PLEKHG1: variants seen among roughly 807,000 people sequenced by gnomAD.
PLEKHG1 encodes pleckstrin homology domain-containing family G member 1.
Under a neutral mutation model 100.8 loss-of-function variants are expected in PLEKHG1, and 44 were observed. The observed-to-expected ratio is 0.44, with a 90% CI of 0.34 to 0.56. The LOEUF (loss-of-function observed/expected upper bound fraction) is 0.56, where lower values mean the gene tolerates loss of function less well. PLEKHG1 is among the 20% of genes least tolerant of loss of function. The pLI is 0.01. For synonymous variants in PLEKHG1, 640 were observed against 662.5 expected (o/e 0.97, Z 0.52); for missense variants, 1,545 against 1,720.9 (o/e 0.90, Z 1.81).
chr6:150,670,323 C>G (rs1379007067), intron 3 of PLEKHG1, among the ~76,000 whole-genome samples: 13 of 152,044 alleles, frequency 8.6e-5, no homozygotes, highest in Admixed American at 5.2e-4. Flanking sequence ...GGAATATGTT[C>G]TATTTTGTTC....
intron 2 of PLEKHG1, among the ~76,000 whole-genome samples, chr6:150,649,712 A>G (rs959958312): frequency 1.3e-5 from 2 of 151,080 alleles, no homozygotes; most frequent in African/African-American, 4.9e-5. Context: ...CCCTGTCGCT[A>G]CTAAAAATAC....
intron 3 of PLEKHG1, among the ~76,000 whole-genome samples, chr6:150,670,483 C>T (rs1434110450): frequency 2.6e-5 from 4 of 152,200 alleles, no homozygotes; most frequent in South Asian, 4.1e-4. Flanking sequence ...GCTACACAGC[C>T]GCAGCATGCG....
At chr6:150,664,579 G>A (rs1779327028) in intron 3 of PLEKHG1, 1 of 152,238 alleles carries the variant, frequency 6.6e-6, no homozygotes, top group South Asian at 2.1e-4. Flanking sequence ...CACTATTGCA[G>A]ACTCTCCCTC....
At chr6:150,603,306 A>C (rs1776446868) in intron 1 of PLEKHG1, among the ~76,000 whole-genome samples, 1 of 152,112 alleles carries the variant, frequency 6.6e-6, no homozygotes, top group Non-Finnish European at 1.5e-5. Context: ...TTGCTTGATA[A>C]AATTAAAAGC....
In PLEKHG1 at chr6:150,682,086, C is replaced by G. The variant is rs185800117; in HGVS notation, c.-99+31300C>G. The stretch of plus-strand genomic sequence containing the variant: ...ATGCCTGCTCCCTAAATTCCCCCTT[C>G]CCCCACAGTTAGGCTAAGACCACCT... On this transcript the variant is annotated intron_variant, in intron 3 of 3. Transcript: ENST00000367326. Among the ~76,000 whole-genome samples, 196 of 152,294 alleles carry G rather than the reference C, an allele frequency of 1.3e-3. 1 individual carries two copies. The highest frequency in any genetic ancestry group is 4.5e-3 in the African/African-American group (186 of 41,572).
Position 150,818,230 on chromosome 6 carries a change from C to T in PLEKHG1, c.1312+14C>T. ...TGGATGCCATTCGTAAGTTTTATTTCCTTAAAACAATTTGAAATTTCATTG... is the reference window on the plus strand; with the variant it reads ...TGGATGCCATTCGTAAGTTTTATTTTCTTAAAACAATTTGAAATTTCATTG... On this transcript the variant is annotated intron_variant, in intron 11 of 15. Coordinates refer to ENST00000358517, the Ensembl canonical transcript of PLEKHG1. 1 of 1,566,854 alleles carries T rather than the reference C, an allele frequency of 6.4e-7. No homozygotes were observed. The highest frequency in any genetic ancestry group is 8.8e-7 in the Non-Finnish European group (1 of 1,138,164).
chr6:150,840,224 T>A (rs1777451573), exon 16 of PLEKHG1: 2 of 1,614,094 alleles, frequency 1.2e-6, no homozygotes, highest in African/African-American at 2.7e-5. Flanking sequence ...AGGACCATCT[T>A]TACAACTCCT....
At chr6:150,764,463 C>T (rs970955865) in intron 2 of PLEKHG1, among the ~76,000 whole-genome samples, 7 of 152,276 alleles carry the variant, frequency 4.6e-5, no homozygotes, top group East Asian at 1.9e-4. Flanking sequence ...TCTCACCACA[C>T]GCTTCAGTGG....
chr6:150,658,595 A>G (rs183096680), intron 3 of PLEKHG1, among the ~76,000 whole-genome samples: 1 of 152,264 alleles, frequency 6.6e-6, no homozygotes, highest in Admixed American at 6.5e-5. Flanking sequence ...CCTCATTTCT[A>G]AGTCTTCTCA....
chr6:150,826,543 G>A (rs568075746), intron 14 of PLEKHG1, among the ~76,000 whole-genome samples: 1 of 152,156 alleles, frequency 6.6e-6, no homozygotes, highest in Admixed American at 6.6e-5. Flanking sequence ...GTTCATTCAG[G>A]CTGTGGCAAA....
chr6:150,831,754 C>G lies in PLEKHG1; in HGVS notation c.2643C>G (p.Ser881Arg), dbSNP rs1429204690. Residue 881 changes from serine (S) to arginine (R), a missense_variant, in exon 15 of 16, where the codon AGC (serine) becomes AGG (arginine). Transcript: ENST00000358517. This position sits in a 1 kb window ranked among gnomAD's most constrained non-coding sequence, Gnocchi z 4.1. Reference sequence around the variant, plus strand: ...ACGCAGAGAGCACCCCTGAGCTGAGCCGGGACGTGGGGCGCTCTGTGTCCA... The same window carrying G: ...ACGCAGAGAGCACCCCTGAGCTGAGGCGGGACGTGGGGCGCTCTGTGTCCA... The G allele has an allele frequency of 1.9e-6, 3 of 1,613,652 alleles. No individual in the cohort carries two copies. The South Asian group carries it at 3.3e-5, about 18-fold the overall frequency.
chr6:150,825,595 A>G (rs916629353), intron 14 of PLEKHG1, among the ~76,000 whole-genome samples: 2 of 152,124 alleles, frequency 1.3e-5, no homozygotes, highest in African/African-American at 2.4e-5. Flanking sequence ...CAAGTAGTTT[A>G]TAACAGGAAC....
chr6:150,804,155 T>TATATATATATATATATATATATA (rs1554276213), intron 6 of PLEKHG1, among the ~76,000 whole-genome samples: 3 of 30,262 alleles, frequency 9.9e-5, no homozygotes, highest in Admixed American at 5.6e-4. Flanking sequence ...TGTAAATATT[T>TATATATATATATATATATATATA]TATATATATA....
At chr6:150,767,595 G>A (rs888810350) in intron 2 of PLEKHG1, among the ~76,000 whole-genome samples, 12 of 152,204 alleles carry the variant, frequency 7.9e-5, no homozygotes, top group Non-Finnish European at 1.3e-4. Context: ...AATAAAAGGC[G>A]TAAGAAACAA....
chr6:150,618,951 G>T (rs1236015395), intron 1 of PLEKHG1, among the ~76,000 whole-genome samples: 1 of 152,064 alleles, frequency 6.6e-6, no homozygotes, highest in African/African-American at 2.4e-5. Flanking sequence ...GGGCATGGTG[G>T]CAGTATCTGT....
intron 3 of PLEKHG1, among the ~76,000 whole-genome samples, chr6:150,772,645 A>G (rs969102674): frequency 3.3e-5 from 5 of 152,158 alleles, no homozygotes; most frequent in Non-Finnish European, 7.3e-5. Context: ...GCTTTCACCT[A>G]TTTCAAACAT....
chr6:150,726,984 C>T (rs567501001), intron 1 of PLEKHG1, among the ~76,000 whole-genome samples: 45 of 152,256 alleles, frequency 3.0e-4, no homozygotes, highest in African/African-American at 6.5e-4. Context: ...AACAAAACTG[C>T]GCTGTATATT....
chr6:150,677,161 T>C (rs967555758), intron 3 of PLEKHG1, among the ~76,000 whole-genome samples: 3 of 152,190 alleles, frequency 2.0e-5, no homozygotes, highest in Non-Finnish European at 4.4e-5. Flanking sequence ...AAAATGCAGA[T>C]CTGATTGATT....
chr6:150,703,817 T>C (rs1429248006), intron 3 of PLEKHG1, among the ~76,000 whole-genome samples: 4 of 152,226 alleles, frequency 2.6e-5, no homozygotes, highest in Non-Finnish European at 5.9e-5. Context: ...GTGAATATGC[T>C]GTTTTAAAAT....
Sources: gnomAD v4.1 joint callset for allele counts (sites outside exome capture counted in the v4.1 genomes callset) on GRCh38, gnomAD v4.1.1 for gene constraint, Gnocchi (gnomAD v3.1) non-coding constraint, MANE v1.5 for transcripts, NCBI Gene and HGNC (gene_info 2026-07-23, HGNC 2026-07-21) for gene names.